The following DOCK1 variants were observed in gnomAD, a reference collection of about 807,000 sequenced individuals.
DOCK1 encodes the protein dedicator of cytokinesis protein 1.
DOCK1 carries 138 observed loss-of-function variants against 262.7 expected under a neutral mutation model. The observed-to-expected ratio is 0.53, with a 90% CI of 0.46 to 0.61. DOCK1 has a LOEUF of 0.61. DOCK1 is among the 20% of genes least tolerant of loss of function. DOCK1 has a pLI of 0.00. For missense variants in DOCK1, 1,908 were observed against 2,370.7 expected, an observed-to-expected ratio of 0.80 and a Z score of 4.05; for synonymous variants, 866 against 867.4, an observed-to-expected ratio of 1.00 and a Z score of 0.03.
At chr10:127,319,539 T>C (rs1420619882) in intron 29 of DOCK1, among the ~76,000 whole-genome samples, 1 of 152,206 alleles carries the variant, frequency 6.6e-6, no homozygotes, top group Non-Finnish European at 1.5e-5. Flanking sequence ...TTGCCTCCTG[T>C]TAATAGCAAA....
chr10:126,933,022 G>A lies in DOCK1; in HGVS notation c.46+27459G>A, dbSNP rs953061462. On this transcript the variant is annotated intron_variant, in intron 1 of 51. Transcript: ENST00000623213. ...TCTGAGGCATTTTTGAGCTTGTGGA[G>A]GAGGACTGGGAGGACCTTGGCTTTG... Among the ~76,000 whole-genome samples the A allele has an allele frequency of 2.6e-3, 388 of 152,062 alleles. 3 individuals carry two copies. The highest frequency in any genetic ancestry group is 9.1e-3 in the African/African-American group (377 of 41,494).
chr10:126,954,868 G>A (rs2036603868), intron 1 of DOCK1, among the ~76,000 whole-genome samples: 2 of 152,152 alleles, frequency 1.3e-5, no homozygotes, highest in Admixed American at 1.3e-4. Context: ...TAGCTATTGT[G>A]AATAATGCTG....
At chr10:126,941,541 G>A (rs1258496512) in intron 1 of DOCK1, among the ~76,000 whole-genome samples, 1 of 152,150 alleles carries the variant, frequency 6.6e-6, no homozygotes, top group Non-Finnish European at 1.5e-5. Flanking sequence ...CGGATCACGA[G>A]GTCAGGAGAT....
chr10:127,337,595 C>A (rs780954166), intron 29 of DOCK1, among the ~76,000 whole-genome samples: 30 of 152,210 alleles, frequency 2.0e-4, no homozygotes, highest in Admixed American at 5.9e-4. Context: ...TGCTGCCCAG[C>A]CTGTGTTCTT....
In DOCK1 at chr10:127,052,794, G is replaced by A; in HGVS notation, c.2315G>A (p.Arg772His). The A allele has an allele frequency of 1.9e-6, 3 of 1,613,284 alleles. No homozygotes were observed. The highest frequency in any genetic ancestry group is 2.5e-6 in the Non-Finnish European group (3 of 1,179,512). ...ALESIFKFIV[R>H]SRILFNQLYE... The stretch of plus-strand genomic sequence containing the variant: ...GAATCCATCTTCAAGTTCATCGTGC[G>A]CTCCAGGATCCTGTTCAATCAGTGC... Residue 772 changes from arginine (R) to histidine (H), a missense_variant, in exon 22 of 52, where the codon CGC (arginine) becomes CAC (histidine). Physicochemically the swap from Arg to His is conservative, Grantham distance 29. Around this residue, in one of 9 missense-constraint regions of DOCK1, gnomAD observed 518 missense variants for 575.1 expected, o/e 0.90. Coordinates refer to ENST00000623213, the MANE Select transcript of DOCK1 (RefSeq NM_001290223.2).
At chr10:127,115,223 G>A (rs1303377719) in intron 25 of DOCK1, among the ~76,000 whole-genome samples, 6 of 152,180 alleles carry the variant, frequency 3.9e-5, no homozygotes, top group African/African-American at 1.4e-4. Context: ...TGCTGATAAG[G>A]CATCCACCTT....
At chr10:126,967,175 G>A (rs908261232) in intron 1 of DOCK1, among the ~76,000 whole-genome samples, 2 of 152,252 alleles carry the variant, frequency 1.3e-5, no homozygotes, top group African/African-American at 2.4e-5. Flanking sequence ...TTTGTAGTAC[G>A]TCATATGTCA....
chr10:127,055,816 T>A (rs982482813), intron 22 of DOCK1, among the ~76,000 whole-genome samples: 1 of 152,218 alleles, frequency 6.6e-6, no homozygotes, highest in African/African-American at 2.4e-5. Context: ...CCTACCAGGT[T>A]ACATAGAAAT....
At chr10:127,261,947 T>G (rs1227036615) in intron 29 of DOCK1, among the ~76,000 whole-genome samples, 6 of 147,784 alleles carry the variant, frequency 4.1e-5, no homozygotes, top group East Asian at 2.1e-4. Flanking sequence ...TGGGTGTGTG[T>G]GTGTGTACCC....
chr10:127,015,579 G>A (rs2041810334), intron 12 of DOCK1, among the ~76,000 whole-genome samples: 2 of 151,972 alleles, frequency 1.3e-5, no homozygotes, highest in African/African-American at 4.8e-5. Flanking sequence ...AAGGAACGGT[G>A]CCCCCGGGAC....
At chr10:127,221,917 A>C (rs965897605) in intron 27 of DOCK1, among the ~76,000 whole-genome samples, 4 of 152,240 alleles carry the variant, frequency 2.6e-5, no homozygotes, top group African/African-American at 9.6e-5. Flanking sequence ...GACATTCTGC[A>C]TCCTTTGATG....
At chr10:127,282,230 T>C (rs969363624) in intron 29 of DOCK1, among the ~76,000 whole-genome samples, 2 of 151,930 alleles carry the variant, frequency 1.3e-5, no homozygotes, top group African/African-American at 4.8e-5. Context: ...TCTCTCTCTC[T>C]CTCTCTGTCT....
intron 27 of DOCK1, among the ~76,000 whole-genome samples, chr10:127,205,913 TATC>T (rs2057698109): frequency 6.6e-6 from 1 of 152,318 alleles, no homozygotes; most frequent in South Asian, 2.1e-4. Context: ...TTAAAAGAGT[TATC>T]ATCTATGGGT....
intron 23 of DOCK1, among the ~76,000 whole-genome samples, chr10:127,074,017 G>A (rs985704698): frequency 7.9e-5 from 12 of 152,082 alleles, no homozygotes; most frequent in Non-Finnish European, 1.5e-4. Context: ...CCCAGGAAAC[G>A]TTTTATTGAG....
At chr10:127,117,314 G>T (rs1287974826) in intron 25 of DOCK1, among the ~76,000 whole-genome samples, 1 of 152,194 alleles carries the variant, frequency 6.6e-6, no homozygotes, top group Non-Finnish European at 1.5e-5. Context: ...CAGAAGCCTG[G>T]CAGGGAGCTG....
chr10:127,248,399 AT>A (rs2134790468), intron 28 of DOCK1, among the ~76,000 whole-genome samples: 1 of 152,286 alleles, frequency 6.6e-6, no homozygotes, highest in South Asian at 2.1e-4. Flanking sequence ...CTTTGGGATA[AT>A]TGGAAATTTG....
intron 32 of DOCK1, among the ~76,000 whole-genome samples, chr10:127,354,972 G>A (rs1057402578): frequency 6.6e-6 from 1 of 152,206 alleles, no homozygotes; most frequent in Non-Finnish European, 1.5e-5. Flanking sequence ...TGTGTTGTGT[G>A]GACACGTGGC....
chr10:127,425,622 A>G (rs2068764998), intron 46 of DOCK1, among the ~76,000 whole-genome samples: 1 of 152,216 alleles, frequency 6.6e-6, no homozygotes, highest in African/African-American at 2.4e-5. Context: ...AGATAAGTCT[A>G]TTCTGGGAAA....
chr10:127,070,619 T>A (rs2046173625), intron 23 of DOCK1, among the ~76,000 whole-genome samples: 1 of 151,468 alleles, frequency 6.6e-6, no homozygotes, highest in Admixed American at 6.6e-5. Context: ...CAGTGTAGAG[T>A]TCACTGGCAG....
Sources: gnomAD v4.1 joint callset for allele counts (sites outside exome capture counted in the v4.1 genomes callset) on GRCh38, gnomAD v4.1.1 for gene constraint, gnomAD v4.1.1 regional missense constraint, MANE v1.5 for transcripts, NCBI Gene and HGNC (gene_info 2026-07-23, HGNC 2026-07-21) for gene names.